The following CSMD3 variants were observed in gnomAD, a reference collection of about 807,000 sequenced individuals.
The protein encoded by CSMD3 is CUB and Sushi multiple domains 3.
A neutral mutation model predicts 435.2 loss-of-function variants in CSMD3; 177 were observed. The ratio of observed to expected loss-of-function variants is 0.41; its 90% CI spans 0.36 to 0.46. CSMD3 has a LOEUF of 0.46. Among genes scored for constraint, CSMD3 ranks in the 20% least tolerant of loss-of-function variants. CSMD3 has a pLI of 0.34. For synonymous variants in CSMD3, 1,656 were observed against 1,520.5 expected (o/e 1.09, Z -2.07); for missense variants, 4,265 against 4,504.6 (o/e 0.95, Z 1.52).
intron 39 of CSMD3, among the ~76,000 whole-genome samples, chr8:112,351,565 T>TACATGGTGGTTTATAATAAATTGCTATA (rs1826139464): frequency 6.6e-6 from 1 of 152,014 alleles, no homozygotes; most frequent in African/African-American, 2.4e-5. Context: ...AAGGGCAGTA[T>TACATGGTGGTTTATAATAAATTGCTATA]ACATGGTGGT....
intron 5 of CSMD3, among the ~76,000 whole-genome samples, chr8:113,087,510 A>G (rs2089837216): frequency 6.6e-6 from 1 of 152,200 alleles, no homozygotes; most frequent in Non-Finnish European, 1.5e-5. Context: ...CAAAACAGAG[A>G]TATAGATCAA....
chr8:112,878,426 G>A (rs2081352154), intron 10 of CSMD3, among the ~76,000 whole-genome samples: 1 of 152,160 alleles, frequency 6.6e-6, no homozygotes, highest in African/African-American at 2.4e-5. Context: ...ACAGATGCTG[G>A]AGAGGATGTG....
intron 13 of CSMD3, among the ~76,000 whole-genome samples, 176 bp from the exon 14 acceptor site, chr8:112,690,226 A>C (rs1445054081): frequency 6.6e-6 from 1 of 151,386 alleles, no homozygotes; most frequent in East Asian, 1.9e-4. Flanking sequence ...AATGATCTTT[A>C]GATAATAATT....
chr8:113,366,085 G>T (rs2094309606), intron 1 of CSMD3, among the ~76,000 whole-genome samples: 1 of 151,894 alleles, frequency 6.6e-6, no homozygotes, highest in Non-Finnish European at 1.5e-5. Context: ...AAAAAAGGTG[G>T]GGGCAAGAAT....
At chr8:112,703,857 A>C (rs766986781) in intron 13 of CSMD3, among the ~76,000 whole-genome samples, 1 of 152,132 alleles carries the variant, frequency 6.6e-6, no homozygotes, top group Non-Finnish European at 1.5e-5. Flanking sequence ...TTTGAGGAGG[A>C]AATCTATAAC....
chr8:113,259,065 T>C (rs1254846436), intron 3 of CSMD3, among the ~76,000 whole-genome samples: 3 of 152,144 alleles, frequency 2.0e-5, no homozygotes, highest in East Asian at 3.9e-4. Context: ...AGATATCTAA[T>C]TGAAAAACAA....
intron 22 of CSMD3, among the ~76,000 whole-genome samples, chr8:112,636,492 A>G (rs1472271610): frequency 6.6e-6 from 1 of 151,656 alleles, no homozygotes; most frequent in African/African-American, 2.4e-5. Flanking sequence ...CTATCTGTCT[A>G]TCTATATCAT....
intron 1 of CSMD3, among the ~76,000 whole-genome samples, chr8:113,322,188 A>G (rs1277304358): frequency 1.3e-5 from 2 of 152,130 alleles, no homozygotes; most frequent in Non-Finnish European, 2.9e-5. Flanking sequence ...AGTAACCATT[A>G]TCGCCTCAGA....
At chr8:113,334,236 T>C (rs2094051012) in intron 1 of CSMD3, among the ~76,000 whole-genome samples, 1 of 151,436 alleles carries the variant, frequency 6.6e-6, no homozygotes. Context: ...GTACATGTAC[T>C]GTATAGCCAC....
At chr8:113,359,794 G>A (rs1331827356) in intron 1 of CSMD3, among the ~76,000 whole-genome samples, 1 of 152,144 alleles carries the variant, frequency 6.6e-6, no homozygotes, top group Non-Finnish European at 1.5e-5. Context: ...CCAGACTGAG[G>A]CTTGCTAGAT....
chr8:112,241,917 A>G, intron 65 of CSMD3, 132 bp from the exon 66 acceptor site: 1 of 743,396 alleles, frequency 1.3e-6, no homozygotes, highest in Non-Finnish European at 2.5e-6. Context: ...TCACATAGAT[A>G]GTTTTCTCTA....
chr8:112,736,994 T>C (rs1474589265), intron 13 of CSMD3, among the ~76,000 whole-genome samples: 2 of 151,940 alleles, frequency 1.3e-5, no homozygotes, highest in East Asian at 3.9e-4. Flanking sequence ...AAAATGCTTG[T>C]AAAGTACTTT....
At chr8:112,963,404 T>G (rs533732212) in intron 7 of CSMD3, among the ~76,000 whole-genome samples, 1 of 152,070 alleles carries the variant, frequency 6.6e-6, no homozygotes, top group East Asian at 1.9e-4. Flanking sequence ...CTCTGGTACA[T>G]GGAAATTATT....
At chr8:112,852,670 C>T (rs564789465) in intron 11 of CSMD3, among the ~76,000 whole-genome samples, 1 of 152,110 alleles carries the variant, frequency 6.6e-6, no homozygotes, top group East Asian at 1.9e-4. Flanking sequence ...CGTCTATAAT[C>T]CCAGCACTTT....
intron 13 of CSMD3, among the ~76,000 whole-genome samples, chr8:112,760,248 T>G (rs1349163425): frequency 1.3e-5 from 2 of 152,176 alleles, no homozygotes; most frequent in Non-Finnish European, 2.9e-5. Flanking sequence ...TGAATTAATA[T>G]GTACTTTTTA....
chr8:113,411,474 T>C (rs1207648848), intron 1 of CSMD3, among the ~76,000 whole-genome samples: 1 of 152,188 alleles, frequency 6.6e-6, no homozygotes, highest in East Asian at 1.9e-4. Flanking sequence ...TTTCTTGAAC[T>C]CAGTAAATAA....
At chr8:112,990,094 C>T (rs767091778) in intron 6 of CSMD3, among the ~76,000 whole-genome samples, 8 of 151,930 alleles carry the variant, frequency 5.3e-5, no homozygotes, top group African/African-American at 7.2e-5. Context: ...TCCCCAGCCA[C>T]GTGGAAATGT....
At chr8:112,928,471 T>C (rs2082984415) in intron 9 of CSMD3, among the ~76,000 whole-genome samples, 1 of 152,210 alleles carries the variant, frequency 6.6e-6, no homozygotes, top group South Asian at 2.1e-4. Context: ...AAGATTGTGA[T>C]GTTCCCCTTC....
At chr8:113,209,863 A>C (rs2092812221) in intron 3 of CSMD3, among the ~76,000 whole-genome samples, 1 of 152,058 alleles carries the variant, frequency 6.6e-6, no homozygotes, top group Non-Finnish European at 1.5e-5. Flanking sequence ...GGTTACATTC[A>C]TTTATTATGT....
Sources: gnomAD v4.1 joint callset for allele counts (sites outside exome capture counted in the v4.1 genomes callset) on GRCh38, gnomAD v4.1.1 for gene constraint, MANE v1.5 for transcripts, NCBI Gene and HGNC (gene_info 2026-07-23, HGNC 2026-07-21) for gene names.